MAGI2: variants seen among roughly 807,000 people sequenced by gnomAD.
The protein encoded by MAGI2 is membrane associated guanylate kinase, WW and PDZ domain containing 2.
A neutral mutation model predicts 133.3 loss-of-function variants in MAGI2; 35 were observed. The ratio of observed to expected loss-of-function variants is 0.26; its 90% confidence interval spans 0.20 to 0.35. The LOEUF (loss-of-function observed/expected upper bound fraction) is 0.35, where lower values mean the gene tolerates loss of function less well. MAGI2 is among the 10% of genes least tolerant of loss of function. MAGI2 has a pLI of 1.00. For synonymous variants in MAGI2, 729 were observed against 710.6 expected (o/e 1.03, Z -0.41); for missense variants, 1,636 against 1,863.4 (o/e 0.88, Z 2.25).
intron 14 of MAGI2, among the ~76,000 whole-genome samples, chr7:78,171,819 A>G: frequency 6.6e-6 from 1 of 152,086 alleles, no homozygotes; most frequent in East Asian, 1.9e-4. Flanking sequence ...GGGACTCTTC[A>G]GCCTCAGCTG....
chr7:79,209,312 CAT>C lies in MAGI2; in HGVS notation c.302-202108_302-202107del, dbSNP rs562143000. On this transcript the variant is annotated intron_variant, in intron 1 of 21. Transcript: ENST00000354212. ...TAAACAATTTTATCTGTCGCAAAAA[CAT>C]AAATATACTAAATACAATGAAAGTG... 3.6e-4 allele frequency among the ~76,000 whole-genome samples: 54 copies of C among 151,948 alleles called. 1 individual carries two copies. The East Asian group carries it at 9.7e-3, about 27-fold the overall frequency.
chr7:78,319,364 T>G (rs976419813), intron 9 of MAGI2, among the ~76,000 whole-genome samples: 1 of 152,172 alleles, frequency 6.6e-6, no homozygotes, highest in Non-Finnish European at 1.5e-5. Flanking sequence ...ATTCTAAAAT[T>G]GACCACGTGA....
chr7:78,086,025 A>G (rs931433892), intron 20 of MAGI2, among the ~76,000 whole-genome samples: 3 of 152,148 alleles, frequency 2.0e-5, no homozygotes, highest in African/African-American at 7.2e-5. Context: ...CTCTAAATTA[A>G]AATGTGAAAA....
chr7:79,021,742 G>T (rs1303336430), intron 1 of MAGI2, among the ~76,000 whole-genome samples: 1 of 152,168 alleles, frequency 6.6e-6, no homozygotes, highest in East Asian at 1.9e-4. Flanking sequence ...ATGCTGGAAT[G>T]AATTAAGATT....
rs553604696 is a variant in MAGI2 at position 78,958,055 on chromosome 7, A to G, written c.418+49035T>C. Among the ~76,000 whole-genome samples, 21 of 152,262 alleles carry G rather than the reference A, an allele frequency of 1.4e-4. No homozygotes were observed. The East Asian group carries it at 4.1e-3, about 29-fold the overall frequency. On this transcript the variant is annotated intron_variant, in intron 2 of 21. Transcript: ENST00000354212. ...AAGCCACCCAATTAAATCAGTTGCTATGTTTACCTGGCAGGGGAATAGGAG... is the reference window on the plus strand; with the variant it reads ...AAGCCACCCAATTAAATCAGTTGCTGTGTTTACCTGGCAGGGGAATAGGAG...
chr7:79,149,147 T>TTATA (rs201542075), intron 1 of MAGI2, among the ~76,000 whole-genome samples: 2 of 144,162 alleles, frequency 1.4e-5, no homozygotes, highest in African/African-American at 5.1e-5. Context: ...CTTCCTAAAA[T>TTATA]TATATATATA....
intron 3 of MAGI2, among the ~76,000 whole-genome samples, chr7:78,532,788 T>C (rs12705545): frequency 0.078 from 11,923 of 152,276 alleles, 602 homozygotes; most frequent in Non-Finnish European, 0.12. Context: ...TTTTGGCATA[T>C]AACCCTAGGC....
At chr7:79,376,526 T>C (rs1343372875) in intron 1 of MAGI2, among the ~76,000 whole-genome samples, 2 of 151,816 alleles carry the variant, frequency 1.3e-5, no homozygotes, top group African/African-American at 2.4e-5. Flanking sequence ...TCCTAGATCA[T>C]CAAGCCATGA....
chr7:78,527,444 T>C (rs1797074832), intron 3 of MAGI2, among the ~76,000 whole-genome samples: 1 of 152,214 alleles, frequency 6.6e-6, no homozygotes, highest in South Asian at 2.1e-4. Context: ...TTCACATTGA[T>C]TTAGTGGTGA....
chr7:79,112,697 C>T lies in MAGI2; in HGVS notation c.302-105491G>A, dbSNP rs548482912. 1.5e-3 allele frequency among the ~76,000 whole-genome samples: 226 copies of T among 151,726 alleles called. 1 individual carries two copies. Among genetic ancestry groups the T allele is most frequent in the Non-Finnish European group, 2.3e-3 (156 of 68,008 alleles). On this transcript the variant is annotated intron_variant, in intron 1 of 21. Coordinates refer to ENST00000354212, the MANE Select transcript of MAGI2 (RefSeq NM_012301.4). ...TACCTTTATGTTTCTCTCTTAAATG[C>T]CATTTTTTTTGTACTTGTCAGCCCA...
intron 2 of MAGI2, among the ~76,000 whole-genome samples, chr7:78,729,973 TAATGACAC>T (rs1821209388): frequency 6.6e-6 from 1 of 152,156 alleles, no homozygotes; most frequent in African/African-American, 2.4e-5. Context: ...CCCACTAAAG[TAATGACAC>T]CTTGTGAAGC....
At chr7:78,027,640 AAAAGAAAG>A (rs1168166879) in intron 21 of MAGI2, among the ~76,000 whole-genome samples, 1 of 142,360 alleles carries the variant, frequency 7.0e-6, no homozygotes, top group East Asian at 2.9e-4. Context: ...AAAAAAAAAA[AAAAGAAAG>A]AAAAAGAAAA....
At chr7:79,340,864 C>T (rs1485237343) in intron 1 of MAGI2, among the ~76,000 whole-genome samples, 1 of 152,082 alleles carries the variant, frequency 6.6e-6, no homozygotes, top group African/African-American at 2.4e-5. Flanking sequence ...TGGCCATTTA[C>T]CTGAGGTTTC....
At chr7:78,628,868 A>G (rs1238776590) in intron 2 of MAGI2, among the ~76,000 whole-genome samples, 5 of 151,280 alleles carry the variant, frequency 3.3e-5, no homozygotes, top group Non-Finnish European at 7.4e-5. Context: ...TTAAAAGTGC[A>G]TTAACATGGT....
At position 78,535,876 on chromosome 7, in the gene MAGI2, C is replaced by CT. The variant is rs1554462567; in HGVS notation, c.539-14232_539-14231insA. 2.7e-5 allele frequency among the ~76,000 whole-genome samples: 4 copies of CT among 147,598 alleles called. No homozygotes were observed. The East Asian group carries it at 6.0e-4, about 22-fold the overall frequency. ...GGCTCATCTAGTCTTGTGTACACCC[C>CT]CCCCGCCCACCGCCTCCCCCCAACA... On this transcript the variant is annotated intron_variant, in intron 3 of 21. Coordinates refer to ENST00000354212, the MANE Select transcript of MAGI2 (RefSeq NM_012301.4).
intron 3 of MAGI2, among the ~76,000 whole-genome samples, chr7:78,624,449 T>C (rs1006132728): frequency 1.3e-5 from 2 of 152,146 alleles, no homozygotes; most frequent in African/African-American, 2.4e-5. Flanking sequence ...ATATATACCA[T>C]GGAATACTAT....
chr7:79,008,007 T>TA (rs1243617145), intron 1 of MAGI2, among the ~76,000 whole-genome samples: 2 of 152,014 alleles, frequency 1.3e-5, no homozygotes, highest in African/African-American at 2.4e-5. Context: ...ATCTATCAAA[T>TA]ACTTATTTGA....
intron 2 of MAGI2, among the ~76,000 whole-genome samples, chr7:78,627,470 A>G (rs990394666): frequency 5.3e-5 from 8 of 152,208 alleles, no homozygotes; most frequent in Admixed American, 1.3e-4. Context: ...GTTCATTGCC[A>G]TGGGATATGG....
intron 3 of MAGI2, among the ~76,000 whole-genome samples, chr7:78,612,815 G>A (rs551261254): frequency 9.5e-4 from 144 of 151,898 alleles, no homozygotes; most frequent in Non-Finnish European, 1.6e-3. Flanking sequence ...GACTACAGGC[G>A]CCCGCCACCA....
Sources: allele counts gnomAD v4.1 joint callset (sites outside exome capture counted in the v4.1 genomes callset), GRCh38; gene constraint gnomAD v4.1.1; transcripts MANE v1.5; gene names NCBI Gene and HGNC (gene_info 2026-07-23, HGNC 2026-07-21).